The following C4orf17 variants were observed in gnomAD, a reference collection of about 807,000 sequenced individuals.
The protein encoded by C4orf17 is uncharacterized protein C4orf17.
In C4orf17, 25 loss-of-function variants were observed where a neutral mutation model predicts 32.0. The observed-to-expected ratio is 0.78, with a 90% confidence interval of 0.57 to 1.09. The LOEUF (loss-of-function observed/expected upper bound fraction) is 1.09, where lower values mean the gene tolerates loss of function less well. Among genes scored for constraint, C4orf17 ranks in the 50% least tolerant of loss-of-function variants. C4orf17 has a pLI of 0.00. For synonymous variants in C4orf17, 149 were observed against 145.8 expected, an observed-to-expected ratio of 1.02 and a Z score of -0.16; for missense variants, 420 against 420.0, an observed-to-expected ratio of 1.00 and a Z score of 0.00.
In C4orf17 at chr4:99,537,688, G is replaced by A; in HGVS notation, c.566G>A (p.Ser189Asn). The A allele has an allele frequency of 6.2e-7, 1 of 1,612,508 alleles. No homozygotes were observed. Among genetic ancestry groups the A allele is most frequent in the East Asian group, 2.2e-5 (1 of 44,860 alleles). ...TGTCAGATCCTGGCAAAGCTCTGTA[G>A]CATTTTGCATACTGATTCTCTGGCA... ...QEIKILAKLCSILHTDSLAEV... is the reference protein window; with the variant it reads ...QEIKILAKLCNILHTDSLAEV... The change falls in exon 6 of 9, where the codon AGC becomes AAC. Residue 189 changes from serine (S) to asparagine (N), a missense_variant. Transcript: ENST00000326581.
At chr4:99,527,607 G>T (rs891114908) in intron 4 of C4orf17, among the ~76,000 whole-genome samples, 1 of 152,116 alleles carries the variant, frequency 6.6e-6, no homozygotes, top group African/African-American at 2.4e-5. Context: ...TTCACAATAG[G>T]GTTTGCACTC....
intron 5 of C4orf17, among the ~76,000 whole-genome samples, chr4:99,533,348 T>TA (rs1305847917): frequency 2.0e-5 from 3 of 152,174 alleles, no homozygotes; most frequent in Non-Finnish European, 4.4e-5. Flanking sequence ...CCTCCTGCTG[T>TA]AAAAAACTAT....
chr4:99,534,839 C>T (rs1723535714), intron 5 of C4orf17, among the ~76,000 whole-genome samples: 1 of 152,194 alleles, frequency 6.6e-6, no homozygotes, highest in Non-Finnish European at 1.5e-5. Context: ...TTCATAGCGT[C>T]ACTGGTCTGT....
intron 2 of C4orf17, among the ~76,000 whole-genome samples, chr4:99,518,506 A>T (rs1294568408): frequency 3.6e-4 from 25 of 70,122 alleles, no homozygotes; most frequent in Non-Finnish European, 3.9e-4. Context: ...AAAAAAAAAA[A>T]AAAAAAAAAA....
At chr4:99,524,194 G>C (rs938429735) in intron 3 of C4orf17, among the ~76,000 whole-genome samples, 1 of 151,936 alleles carries the variant, frequency 6.6e-6, no homozygotes, top group Admixed American at 6.6e-5. Flanking sequence ...TGTTAGCCAG[G>C]ATGGTCTCGA....
At chr4:99,517,482 G>T (rs1011275200) in intron 2 of C4orf17, among the ~76,000 whole-genome samples, 1 of 152,130 alleles carries the variant, frequency 6.6e-6, no homozygotes, top group Non-Finnish European at 1.5e-5. Context: ...CCACTACACT[G>T]CAATCCTCAT....
intron 1 of C4orf17, among the ~76,000 whole-genome samples, 176 bp from the exon 2 acceptor site, chr4:99,512,813 C>A (rs1723115729): frequency 6.6e-6 from 1 of 152,056 alleles, no homozygotes; most frequent in Non-Finnish European, 1.5e-5. Context: ...TGTTTTAGAT[C>A]CACCCATGCC....
intron 2 of C4orf17, among the ~76,000 whole-genome samples, chr4:99,516,693 G>T (rs1263499728): frequency 6.6e-6 from 1 of 152,138 alleles, no homozygotes; most frequent in East Asian, 1.9e-4. Context: ...GCCTGTTATG[G>T]GGCATGTGGG....
intron 5 of C4orf17, among the ~76,000 whole-genome samples, chr4:99,537,106 C>T (rs1723574986): frequency 6.6e-6 from 1 of 152,072 alleles, no homozygotes; most frequent in South Asian, 2.1e-4. Flanking sequence ...GGATATTGCC[C>T]CCTAATGGTA....
At chr4:99,537,292 C>T (rs1723578007) in intron 5 of C4orf17, among the ~76,000 whole-genome samples, 2 of 152,190 alleles carry the variant, frequency 1.3e-5, no homozygotes, top group Non-Finnish European at 2.9e-5. Context: ...TCTTGGTGCA[C>T]AGGCGGTTGG....
intron 5 of C4orf17, among the ~76,000 whole-genome samples, chr4:99,537,090 G>A (rs561320920): frequency 1.3e-5 from 2 of 152,152 alleles, no homozygotes; most frequent in South Asian, 2.1e-4. Flanking sequence ...GGGGGAGGTC[G>A]ACTAGGGATA....
At chr4:99,518,951 T>C (rs1016289153) in intron 2 of C4orf17, among the ~76,000 whole-genome samples, 8 of 152,148 alleles carry the variant, frequency 5.3e-5, no homozygotes, top group Admixed American at 3.9e-4. Flanking sequence ...TTTTTCATAG[T>C]ACTGTATATT....
intron 3 of C4orf17, among the ~76,000 whole-genome samples, chr4:99,524,158 T>A (rs1723346339): frequency 6.6e-6 from 1 of 151,908 alleles, no homozygotes; most frequent in Non-Finnish European, 1.5e-5. Flanking sequence ...TTTTTTGTAT[T>A]TTTTAGTGGA....
chr4:99,525,655 C>T (rs375501572), intron 4 of C4orf17, among the ~76,000 whole-genome samples: 106 of 152,042 alleles, frequency 7.0e-4, no homozygotes, highest in African/African-American at 2.3e-3. Flanking sequence ...ATTAGTCGGG[C>T]TTGGTGGTAC....
At chr4:99,514,000 G>A (rs1213922838) in intron 2 of C4orf17, among the ~76,000 whole-genome samples, 2 of 152,056 alleles carry the variant, frequency 1.3e-5, no homozygotes, top group Non-Finnish European at 2.9e-5. Context: ...TGGGGTGACT[G>A]TGTGATACCA....
At chr4:99,517,053 C>T (rs575109567) in intron 2 of C4orf17, among the ~76,000 whole-genome samples, 4 of 152,254 alleles carry the variant, frequency 2.6e-5, no homozygotes, top group African/African-American at 7.2e-5. Context: ...TTTTTAAAAG[C>T]GCTTCTCTCT....
chr4:99,522,601 C>T lies in C4orf17; in HGVS notation c.229C>T (p.Pro77Ser). Reference protein sequence around the residue: ...QSNYLEKNRIPFANCSYPSST... With the variant: ...QSNYLEKNRISFANCSYPSST... ...TAACTACTTAGAGAAGAACAGGATACCATTTGCCAATTGCAGTTACCCCTC... is the reference window on the plus strand; with the variant it reads ...TAACTACTTAGAGAAGAACAGGATATCATTTGCCAATTGCAGTTACCCCTC... Residue 77 changes from proline to serine, a missense_variant, in exon 3 of 9, where the codon CCA (proline) becomes TCA (serine). Transcript: ENST00000326581. The T allele has an allele frequency of 1.9e-6, 3 of 1,613,816 alleles. No individual in the cohort carries two copies. The highest frequency in any genetic ancestry group is 2.5e-6 in the Non-Finnish European group (3 of 1,179,830).
intron 4 of C4orf17, among the ~76,000 whole-genome samples, chr4:99,527,410 CAA>C (rs1373240538): frequency 6.6e-6 from 1 of 152,160 alleles, no homozygotes; most frequent in African/African-American, 2.4e-5. Context: ...TCAATTAGGT[CAA>C]GTTAGGTGAT....
intron 2 of C4orf17, among the ~76,000 whole-genome samples, chr4:99,514,970 G>T (rs1723154318): frequency 6.6e-6 from 1 of 152,166 alleles, no homozygotes; most frequent in Non-Finnish European, 1.5e-5. Context: ...GATGGAGCTG[G>T]AGGCCATTAT....
Sources: allele counts gnomAD v4.1 joint callset (sites outside exome capture counted in the v4.1 genomes callset), GRCh38; gene constraint gnomAD v4.1.1; transcripts MANE v1.5; gene names NCBI Gene and HGNC (gene_info 2026-07-23, HGNC 2026-07-21).